Variants in HTR4 observed in about 807,000 individuals in gnomAD.
HTR4 encodes the protein 5-hydroxytryptamine (serotonin) receptor 4, G protein-coupled.
In HTR4, 16 loss-of-function variants were observed where a neutral mutation model predicts 36.8. That is an observed-to-expected ratio of 0.43 (90% confidence interval 0.29 to 0.66). HTR4 has a LOEUF of 0.66. Ranked by LOEUF, HTR4 falls within the 30% of genes least tolerant of loss-of-function variation. HTR4 has a pLI of 0.13. For missense variants in HTR4, 438 were observed against 490.9 expected (o/e 0.89, Z 1.02); for synonymous variants, 189 against 185.1 (o/e 1.02, Z -0.17).
chr5:148,473,785 G>T (rs1394078413), downstream of HTR4, among the ~76,000 whole-genome samples: 1 of 152,164 alleles, frequency 6.6e-6, no homozygotes, highest in African/African-American at 2.4e-5. Flanking sequence ...TGGCTTACCA[G>T]AATTTACCCA....
downstream of HTR4, among the ~76,000 whole-genome samples, chr5:148,472,421 G>A (rs1755591693): frequency 6.6e-6 from 1 of 152,140 alleles, no homozygotes; most frequent in Non-Finnish European, 1.5e-5. Flanking sequence ...CTATCTATAT[G>A]GACCCACGTG....
rs913882932 is a variant in HTR4 at position 148,654,047 on chromosome 5, A to G, written c.-48+15T>C. 4 of 984,424 alleles carry G rather than the reference A, an allele frequency of 4.1e-6. No homozygotes were observed. Among genetic ancestry groups the G allele is most frequent in the Admixed American group, 6.2e-5 (1 of 16,228 alleles). 61.0% of individuals were successfully genotyped at this position (984,424 alleles called of 1,614,324 possible). ...CTCCTGGGGTCCCGACCCCCGGCGC[A>G]CTTGCCGCACATACCCGCTGCCAGA... On this transcript the variant is annotated intron_variant, in intron 1 of 6. Transcript: ENST00000377888.
chr5:148,477,877 T>C (rs1252918498), downstream of HTR4, among the ~76,000 whole-genome samples: 5 of 152,314 alleles, frequency 3.3e-5, no homozygotes, highest in South Asian at 1.0e-3. Context: ...ATCAAATATA[T>C]GCCTGACTCC....
chr5:148,554,431 C>G (rs554878899), intron 2 of HTR4, among the ~76,000 whole-genome samples: 6 of 152,162 alleles, frequency 3.9e-5, no homozygotes, highest in African/African-American at 4.8e-5. Context: ...ATAAATGAAA[C>G]AAATAAATAA....
intron 2 of HTR4, among the ~76,000 whole-genome samples, chr5:148,634,095 A>C (rs535249308): frequency 6.6e-6 from 1 of 152,286 alleles, no homozygotes; most frequent in Non-Finnish European, 1.5e-5. Context: ...TAACTGTAAG[A>C]CATTTTATTT....
chr5:148,575,538 T>C (rs1477053232), intron 2 of HTR4, among the ~76,000 whole-genome samples: 2 of 151,994 alleles, frequency 1.3e-5, no homozygotes, highest in African/African-American at 4.8e-5. Context: ...CCTAGTAAAG[T>C]AGAGATGTAT....
At chr5:148,451,155 G>T (rs781261418) in exon 6 of HTR4, 3 of 1,613,280 alleles carry the variant, frequency 1.9e-6, no homozygotes, top group South Asian at 2.2e-5. Flanking sequence ...GAATGCGAAT[G>T]AATGGCTAAG....
intron 5 of HTR4, among the ~76,000 whole-genome samples, chr5:148,522,342 T>C (rs1227282382): frequency 6.6e-6 from 1 of 152,184 alleles, no homozygotes; most frequent in South Asian, 2.1e-4. Flanking sequence ...GCAAATGACA[T>C]GCCTCAGGCA....
At chr5:148,633,463 C>G (rs2127302546) in intron 2 of HTR4, among the ~76,000 whole-genome samples, 1 of 151,720 alleles carries the variant, frequency 6.6e-6, no homozygotes, top group African/African-American at 2.4e-5. Flanking sequence ...ATGTGCCATG[C>G]TGGTGTGCGC....
chr5:148,636,518 G>A lies in HTR4; in HGVS notation c.26+471C>T, dbSNP rs575791126. Among the ~76,000 whole-genome samples, 84 of 152,124 alleles carry A rather than the reference G, an allele frequency of 5.5e-4. 1 individual carries two copies. The highest frequency in any genetic ancestry group is 4.1e-4 in the South Asian group (2 of 4,820). On this transcript the variant is annotated intron_variant, in intron 2 of 6. Transcript: ENST00000377888. ...AAATTACAGGAAAACAAATCAAAAC[G>A]AAACAAAAACCATTTAGCTTTATGT...
Position 148,482,202 on chromosome 5 carries a change from C to G in HTR4, c.*1001G>C, listed in dbSNP as rs1410448647. On this transcript the variant is annotated 3_prime_UTR_variant, in exon 7 of 7. Coordinates refer to ENST00000377888, the MANE Select transcript of HTR4 (RefSeq NM_000870.7). ...GCCCTCCTGCACCTTGGGGGAGCTG[C>G]AGGGGAAAATGAGTTTCCCCAGTGT... The G allele has an allele frequency of 1.0e-6, 1 of 985,414 alleles. No individual in the cohort carries two copies. Among genetic ancestry groups the G allele is most frequent in the Non-Finnish European group, 1.2e-6 (1 of 830,028 alleles). The allele number at this position is 985,414 out of a possible 1,614,324, so 61.0% of individuals were successfully genotyped here. A position where few individuals can be genotyped will look rare whatever the true frequency, so the allele number is the denominator to read the frequency against.
intron 5 of HTR4, among the ~76,000 whole-genome samples, chr5:148,457,934 A>G (rs1755149351): frequency 7.5e-6 from 1 of 132,992 alleles, no homozygotes; most frequent in Admixed American, 7.7e-5. Flanking sequence ...AAAATATATT[A>G]TATTTTAAGA....
chr5:148,563,750 T>C (rs1052108781), intron 2 of HTR4, among the ~76,000 whole-genome samples: 1 of 152,236 alleles, frequency 6.6e-6, no homozygotes, highest in African/African-American at 2.4e-5. Context: ...TACCATTGCA[T>C]TAGGTATTGT....
chr5:148,558,130 G>T (rs1760039367), intron 2 of HTR4, among the ~76,000 whole-genome samples: 1 of 151,730 alleles, frequency 6.6e-6, no homozygotes, highest in Non-Finnish European at 1.5e-5. Context: ...CTTTTGCAAA[G>T]GAATTACATT....
Position 148,604,809 on chromosome 5 carries a change from C to T in HTR4, c.26+32180G>A, listed in dbSNP as rs188851768. Among the ~76,000 whole-genome samples, 239 of 152,146 alleles carry T rather than the reference C, an allele frequency of 1.6e-3. 3 individuals are homozygous for T. Among genetic ancestry groups the T allele is most frequent in the African/African-American group, 5.5e-3 (227 of 41,506 alleles). On this transcript the variant is annotated intron_variant, in intron 2 of 6. Transcript: ENST00000377888. Reference sequence around the variant, plus strand: ...ATTCAGAACTGATATATGGTAATTACCTTTGCAGGGTAGAGGTAGGGACTA... The same window carrying T: ...ATTCAGAACTGATATATGGTAATTATCTTTGCAGGGTAGAGGTAGGGACTA...
chr5:148,530,192 G>A (rs1581431442), intron 4 of HTR4, among the ~76,000 whole-genome samples: 1 of 152,182 alleles, frequency 6.6e-6, no homozygotes, highest in East Asian at 1.9e-4. Flanking sequence ...CAAGCTGGCT[G>A]CAGAAACTTC....
intron 2 of HTR4, among the ~76,000 whole-genome samples, chr5:148,624,883 A>G (rs1172114571): frequency 2.0e-5 from 3 of 152,226 alleles, no homozygotes; most frequent in East Asian, 1.9e-4. Context: ...AAATTCTTCC[A>G]ACATTATAAG....
At chr5:148,537,955 C>G (rs1032093840) in intron 4 of HTR4, among the ~76,000 whole-genome samples, 5 of 152,044 alleles carry the variant, frequency 3.3e-5, no homozygotes, top group African/African-American at 9.7e-5. Context: ...AGTATCCTTA[C>G]ATGAATATCA....
chr5:148,532,125 C>G (rs558520172), intron 4 of HTR4, among the ~76,000 whole-genome samples: 2 of 152,296 alleles, frequency 1.3e-5, no homozygotes, highest in South Asian at 4.1e-4. Flanking sequence ...ATGTCGTTAT[C>G]TCTTAAGAGT....
Sources: allele counts gnomAD v4.1 joint callset (sites outside exome capture counted in the v4.1 genomes callset), GRCh38; gene constraint gnomAD v4.1.1; transcripts MANE v1.5; gene names NCBI Gene and HGNC (gene_info 2026-07-23, HGNC 2026-07-21).